The following GRPR variants were observed in gnomAD, a reference collection of about 807,000 sequenced individuals.
The protein encoded by GRPR is gastrin releasing peptide receptor.
In GRPR, 4 loss-of-function variants were observed where a neutral mutation model predicts 15.6. The observed-to-expected ratio is 0.26, with a 90% CI of 0.13 to 0.59. The LOEUF (loss-of-function observed/expected upper bound fraction) is 0.59, where lower values mean the gene tolerates loss of function less well. GRPR is among the 20% of genes least tolerant of loss of function. The pLI is 0.90. For missense variants in GRPR, 270 were observed against 304.1 expected (o/e 0.89, Z 0.83); for synonymous variants, 128 against 126.8 (o/e 1.01, Z -0.06).
At chrX:16,147,687 G>T in intron 1 of GRPR, among the ~76,000 whole-genome samples, 1 of 111,716 alleles carries the variant, frequency 9.0e-6, no homozygotes, top group Admixed American at 9.5e-5. Flanking sequence ...TAAAAGTTGT[G>T]AATTTAAAAG....
At chrX:16,147,751 G>T (rs1040746402) in intron 1 of GRPR, among the ~76,000 whole-genome samples, 2 of 112,245 alleles carry the variant, frequency 1.8e-5, no homozygotes, top group Non-Finnish European at 3.8e-5. Context: ...ATTCCTAAAA[G>T]AGAAGGACGT....
intron 1 of GRPR, among the ~76,000 whole-genome samples, chrX:16,126,582 T>C (rs1440106578): frequency 8.9e-6 from 1 of 112,073 alleles, no homozygotes; most frequent in Non-Finnish European, 1.9e-5. Context: ...AGAGTTTCTC[T>C]TATGCCCTTT....
In GRPR at chrX:16,152,490, A is replaced by G. The variant is rs761523009; in HGVS notation, c.1000A>G (p.Asn334Asp). 9.9e-6 allele frequency: 12 copies of G among 1,209,091 alleles called. No individual in the cohort carries two copies. In the African/African-American group the frequency reaches 1.1e-4, roughly 11 times the overall value. Residue 334 changes from asparagine to aspartate, a missense_variant, in exon 3 of 3, where the codon AAC becomes GAC. Physicochemically the swap from Asn to Asp is conservative, Grantham distance 23. Coordinates refer to ENST00000380289, the MANE Select transcript of GRPR (RefSeq NM_005314.3). ...LLSKSFRKQF[N>D]TQLLCCQPGL... ...GAGCAAGAGTTTCAGGAAACAGTTC[A>G]ACACTCAGCTGCTCTGTTGCCAGCC...
chrX:16,124,109 G>T lies in GRPR; in HGVS notation c.156G>T (p.Leu52=). ...VIPAVYGVII[L]IGLIGNITLI... is the part of the protein sequence containing the mutation. ...CTGCAGTTTATGGGGTTATCATTCTGATAGGCCTCATTGGCAACATCACTT... is the reference window on the plus strand; with the variant it reads ...CTGCAGTTTATGGGGTTATCATTCTTATAGGCCTCATTGGCAACATCACTT... The change falls in exon 1 of 3, where the codon CTG becomes CTT. Residue 52 remains leucine (L), a synonymous_variant. Coordinates refer to ENST00000380289, the MANE Select transcript of GRPR (RefSeq NM_005314.3). The T allele has an allele frequency of 8.3e-7, 1 of 1,208,988 alleles. No homozygotes were observed. Among genetic ancestry groups the T allele is most frequent in the Non-Finnish European group, 1.1e-6 (1 of 893,007 alleles).
intron 1 of GRPR, among the ~76,000 whole-genome samples, chrX:16,129,726 T>C (rs1225062911): frequency 8.9e-6 from 1 of 111,772 alleles, no homozygotes. Context: ...TTGGGGAATT[T>C]AGGCATCCCA....
Position 16,123,891 on chromosome X carries a change from G to A in GRPR, c.-63G>A. 1.1e-6 allele frequency: 1 copy of A among 945,760 alleles called. No homozygotes were observed. Among genetic ancestry groups the A allele is most frequent in the Non-Finnish European group, 1.5e-6 (1 of 660,737 alleles). The allele number at this position is 945,760 out of a possible 1,213,427, so 77.9% of individuals were successfully genotyped here. ...ATCTTATCTTCATCTTCACTCGGTT[G>A]CAAAATCAATAGTTAAGAAATAGCA... On this transcript the variant is annotated 5_prime_UTR_variant, in exon 1 of 3. Transcript: ENST00000380289.
chrX:16,151,249 C>T (rs1274829666), intron 2 of GRPR, among the ~76,000 whole-genome samples: 1 of 112,268 alleles, frequency 8.9e-6, no homozygotes, highest in Non-Finnish European at 1.9e-5. Context: ...CAGTGCCCAG[C>T]ATGCAAGATG....
At chrX:16,135,001 C>T (rs368311637) in intron 1 of GRPR, among the ~76,000 whole-genome samples, 33 of 111,519 alleles carry the variant, frequency 3.0e-4, no homozygotes, top group African/African-American at 9.4e-4. Flanking sequence ...CTCAAAACTA[C>T]ACACATCCCA....
At chrX:16,140,045 C>T (rs1031145402) in intron 1 of GRPR, among the ~76,000 whole-genome samples, 2 of 111,759 alleles carry the variant, frequency 1.8e-5, no homozygotes, top group Non-Finnish European at 3.8e-5. Context: ...GCAGGGTTCC[C>T]AGTCTTCATC....
At chrX:16,149,626 C>T (rs757844061) in intron 1 of GRPR, among the ~76,000 whole-genome samples, 21 of 84,602 alleles carry the variant, frequency 2.5e-4, no homozygotes, top group Non-Finnish European at 3.5e-4. Context: ...GATCTGAATA[C>T]GCAAAATGAA....
chrX:16,132,254 T>TG (rs1220481710), intron 1 of GRPR, among the ~76,000 whole-genome samples: 2 of 112,465 alleles, frequency 1.8e-5, no homozygotes, highest in Non-Finnish European at 3.8e-5. Context: ...AGGAGAACAA[T>TG]GGTTCCAACC....
At chrX:16,136,966 G>T (rs1283404276) in intron 1 of GRPR, among the ~76,000 whole-genome samples, 1 of 111,436 alleles carries the variant, frequency 9.0e-6, no homozygotes, top group South Asian at 3.8e-4. Context: ...GACTTGGTTG[G>T]TGGGTCTTAG....
chrX:16,127,931 A>C (rs1301348469), intron 1 of GRPR, among the ~76,000 whole-genome samples: 1 of 111,942 alleles, frequency 8.9e-6, no homozygotes, highest in African/African-American at 3.2e-5. Flanking sequence ...GACATGAATT[A>C]TCTTGTGACA....
chrX:16,133,234 A>T (rs913412062), intron 1 of GRPR, among the ~76,000 whole-genome samples: 1 of 111,782 alleles, frequency 8.9e-6, no homozygotes, highest in African/African-American at 3.2e-5. Flanking sequence ...AACAGCGTGT[A>T]TCCCTGATAG....
chrX:16,133,033 A>G (rs754155508), intron 1 of GRPR, among the ~76,000 whole-genome samples: 2 of 111,831 alleles, frequency 1.8e-5, no homozygotes, highest in Non-Finnish European at 3.8e-5. Context: ...AATTCTACTC[A>G]TATATTTGGA....
chrX:16,152,867 G>A lies in GRPR; in HGVS notation c.*222G>A, dbSNP rs753089522. The A allele has an allele frequency of 4.7e-6, 2 of 421,445 alleles. No homozygotes were observed. Among genetic ancestry groups the A allele is most frequent in the South Asian group, 8.0e-5 (2 of 25,094 alleles). 34.7% of individuals were successfully genotyped at this position (421,445 alleles called of 1,213,427 possible). ...TCAACTTGTGAACGTTTCTTCTGAT[G>A]TGAAGCAAACCTTCCCTTTTCAGAA... On this transcript the variant is annotated 3_prime_UTR_variant, in exon 3 of 3. Transcript: ENST00000380289.
At chrX:16,143,310 C>T (rs1479359215) in intron 1 of GRPR, among the ~76,000 whole-genome samples, 1 of 112,491 alleles carries the variant, frequency 8.9e-6, no homozygotes, top group African/African-American at 3.2e-5. Context: ...CACTTTACCT[C>T]TCCCTGTTGA....
intron 1 of GRPR, among the ~76,000 whole-genome samples, chrX:16,128,291 G>A (rs948439214): frequency 9.8e-5 from 11 of 112,010 alleles, no homozygotes; most frequent in African/African-American, 3.2e-4. Flanking sequence ...AAGGTGGGTG[G>A]ATCACTTGAG....
chrX:16,126,507 A>G (rs768906730), intron 1 of GRPR, among the ~76,000 whole-genome samples: 26 of 111,722 alleles, frequency 2.3e-4, no homozygotes, highest in Non-Finnish European at 4.3e-4. Context: ...AGCTCAATAT[A>G]TTTTTACATA....
Sources: gnomAD v4.1 joint callset for allele counts (sites outside exome capture counted in the v4.1 genomes callset) on GRCh38, gnomAD v4.1.1 for gene constraint, MANE v1.5 for transcripts, NCBI Gene and HGNC (gene_info 2026-07-23, HGNC 2026-07-21) for gene names.